SEMA6D: variants seen among roughly 807,000 people sequenced by gnomAD.
SEMA6D encodes the protein semaphorin 6D.
A neutral mutation model predicts 106.6 loss-of-function variants in SEMA6D; 35 were observed. The observed-to-expected ratio is 0.33, with a 90% confidence interval of 0.25 to 0.44. The LOEUF is 0.44. Ranked by LOEUF, SEMA6D falls within the 20% of genes least tolerant of loss-of-function variation. The pLI, the probability that SEMA6D is intolerant of heterozygous loss-of-function variation, is 1.00. For synonymous variants in SEMA6D, 499 were observed against 487.7 expected, an observed-to-expected ratio of 1.02 and a Z score of -0.31; for missense variants, 1,185 against 1,345.9, an observed-to-expected ratio of 0.88 and a Z score of 1.87.
chr15:47,302,329 A>G (rs1021026268), intron 1 of SEMA6D, among the ~76,000 whole-genome samples: 1 of 152,184 alleles, frequency 6.6e-6, no homozygotes, highest in Non-Finnish European at 1.5e-5. Flanking sequence ...TGTCTCTTGC[A>G]AGTTTTGCAG....
chr15:47,453,126 C>T (rs548770883), intron 2 of SEMA6D, among the ~76,000 whole-genome samples: 1 of 151,980 alleles, frequency 6.6e-6, no homozygotes, highest in African/African-American at 2.4e-5. Context: ...GCTTTCTCAA[C>T]TTTGTTCAGA....
Position 47,770,134 on chromosome 15 carries a change from G to C in SEMA6D, c.1934-363G>C, listed in dbSNP as rs375777345. Among the ~76,000 whole-genome samples, 16 of 152,170 alleles carry C rather than the reference G, an allele frequency of 1.1e-4. No homozygotes were observed. The East Asian group carries it at 1.9e-3, about 18-fold the overall frequency. ...ATCCTGAATTAAGAGAAAATTATGA[G>C]ACAAAACATATGAGTTTAAAGTTAG... On this transcript the variant is annotated intron_variant, in intron 18 of 18. Transcript: ENST00000536845.
chr15:47,517,565 G>A (rs2044428846), intron 3 of SEMA6D, among the ~76,000 whole-genome samples: 1 of 152,114 alleles, frequency 6.6e-6, no homozygotes, highest in South Asian at 2.1e-4. Flanking sequence ...AAACAAAGAT[G>A]TCATTTTTGT....
intron 2 of SEMA6D, among the ~76,000 whole-genome samples, chr15:47,459,561 C>T (rs572504140): frequency 2.6e-5 from 4 of 151,816 alleles, no homozygotes; most frequent in African/African-American, 7.3e-5. Flanking sequence ...AGACAGACCA[C>T]GGAGAAACAG....
Position 47,335,442 on chromosome 15 carries a change from A to C in SEMA6D, c.-238-76951A>C, listed in dbSNP as rs2037513907. On this transcript the variant is annotated intron_variant, in intron 1 of 19. Transcript: ENST00000558014. ...AAGTCAGTTTACAGTGAGAGGAGGG[A>C]CTGCCCAACTCTCCCTATAAATGCC... Among the ~76,000 whole-genome samples the C allele has an allele frequency of 2.0e-5, 3 of 152,030 alleles. No individual in the cohort carries two copies. In the South Asian group the frequency reaches 6.2e-4, roughly 32 times the overall value.
chr15:47,658,571 G>T (rs944894043), intron 4 of SEMA6D, among the ~76,000 whole-genome samples: 3 of 152,064 alleles, frequency 2.0e-5, no homozygotes, highest in African/African-American at 7.2e-5. Flanking sequence ...ATTCATAAAC[G>T]ATACTGGACA....
At chr15:47,563,925 C>G (rs2046153650) in intron 3 of SEMA6D, among the ~76,000 whole-genome samples, 3 of 152,210 alleles carry the variant, frequency 2.0e-5, no homozygotes, top group Admixed American at 2.0e-4. Flanking sequence ...CCTTCCTACT[C>G]CCAGACAAAG....
At chr15:47,286,123 T>C (rs547082402) in intron 1 of SEMA6D, among the ~76,000 whole-genome samples, 22 of 152,312 alleles carry the variant, frequency 1.4e-4, no homozygotes, top group African/African-American at 5.3e-4. Context: ...CTGTCTAGCC[T>C]TCATGGTCCC....
chr15:47,222,531 A>C (rs1366596809), intron 1 of SEMA6D, among the ~76,000 whole-genome samples: 1 of 152,140 alleles, frequency 6.6e-6, no homozygotes, highest in African/African-American at 2.4e-5. Context: ...GTGAGAAAAG[A>C]CTTATGGGGT....
chr15:47,560,318 A>G (rs1383333141), intron 3 of SEMA6D, among the ~76,000 whole-genome samples: 3 of 146,028 alleles, frequency 2.1e-5, no homozygotes, highest in African/African-American at 8.4e-5. Flanking sequence ...GAACAAAAAG[A>G]AAGCATAATA....
rs370606049 is a variant in SEMA6D, at chr15:47,414,719, A to G, written c.-159+2247A>G. 9.8e-5 allele frequency among the ~76,000 whole-genome samples: 15 copies of G among 152,316 alleles called. No homozygotes were observed. The East Asian group carries it at 2.5e-3, about 25-fold the overall frequency. ...TTGTCTCTGTAGAGAACTAAGGACCATACAGAATCCTTTTCCACTTCTGCA... is the reference window on the plus strand; with the variant it reads ...TTGTCTCTGTAGAGAACTAAGGACCGTACAGAATCCTTTTCCACTTCTGCA... On this transcript the variant is annotated intron_variant, in intron 2 of 19. Transcript: ENST00000558014.
At chr15:47,577,485 T>C (rs2076175851) in intron 3 of SEMA6D, among the ~76,000 whole-genome samples, 1 of 152,180 alleles carries the variant, frequency 6.6e-6, no homozygotes, top group African/African-American at 2.4e-5. Flanking sequence ...GAGGCTGGAA[T>C]TTATGGTGTT....
intron 1 of SEMA6D, among the ~76,000 whole-genome samples, chr15:47,291,997 T>A (rs746455340): frequency 6.6e-6 from 1 of 152,258 alleles, no homozygotes; most frequent in African/African-American, 2.4e-5. Context: ...TATGCACATA[T>A]GCAGAATTTC....
At chr15:47,344,368 A>G (rs780215937) in intron 1 of SEMA6D, among the ~76,000 whole-genome samples, 10 of 152,196 alleles carry the variant, frequency 6.6e-5, no homozygotes, top group Admixed American at 3.3e-4. Context: ...ATAACAATGG[A>G]TAAAATATAT....
intron 1 of SEMA6D, among the ~76,000 whole-genome samples, chr15:47,726,184 A>G (rs765030493): frequency 6.6e-6 from 1 of 152,244 alleles, no homozygotes; most frequent in African/African-American, 2.4e-5. Context: ...CTAGACTAAT[A>G]ATAACAGCTA....
At chr15:47,562,025 C>G (rs1275968678) in intron 3 of SEMA6D, among the ~76,000 whole-genome samples, 2 of 151,804 alleles carry the variant, frequency 1.3e-5, no homozygotes, top group African/African-American at 4.8e-5. Context: ...GAACAAAATA[C>G]CTGATTTGAA....
rs113272376 is a variant in SEMA6D, at chr15:47,469,341, CGTGT to C, written c.-158-1114_-158-1111del. 9.6e-3 allele frequency among the ~76,000 whole-genome samples: 1,410 copies of C among 147,078 alleles called. 23 individuals are homozygous for C. The highest frequency in any genetic ancestry group is 0.027 in the African/African-American group (1,092 of 40,346). ...GTGTGTGTGTATGTGCACGCATGTG[CGTGT>C]GTGTGTGTGTGTGTGTGTTTAGTGG... On this transcript the variant is annotated intron_variant, in intron 2 of 19. Coordinates refer to the SEMA6D transcript ENST00000558014.
intron 1 of SEMA6D, among the ~76,000 whole-genome samples, chr15:47,273,701 A>G (rs1163422310): frequency 6.6e-6 from 1 of 152,208 alleles, no homozygotes; most frequent in Non-Finnish European, 1.5e-5. Context: ...ATGTTTCCTA[A>G]TCAGAGTTGC....
intron 1 of SEMA6D, among the ~76,000 whole-genome samples, chr15:47,735,679 A>C (rs2080404321): frequency 6.6e-6 from 1 of 152,214 alleles, no homozygotes; most frequent in Non-Finnish European, 1.5e-5. Flanking sequence ...AGAGAATGTG[A>C]TGCTCAGAGT....
Sources: gnomAD v4.1 joint callset for allele counts (sites outside exome capture counted in the v4.1 genomes callset) on GRCh38, gnomAD v4.1.1 for gene constraint, MANE v1.5 for transcripts, NCBI Gene and HGNC (gene_info 2026-07-23, HGNC 2026-07-21) for gene names.